The following TTN variants were observed in gnomAD, a reference collection of about 807,000 sequenced individuals.
TTN encodes titin.
In TTN, 1,525 loss-of-function variants were observed where a neutral mutation model predicts 3,223.0. The observed-to-expected ratio is 0.47, with a 90% CI of 0.45 to 0.49. TTN has a LOEUF of 0.49. Ranked by LOEUF, TTN falls within the 20% of genes least tolerant of loss-of-function variation. The pLI, the probability that TTN is intolerant of heterozygous loss-of-function variation, is 0.00. For synonymous variants in TTN, 14,094 were observed against 15,161.0 expected, an observed-to-expected ratio of 0.93 and a Z score of 5.17; for missense variants, 40,786 against 43,424.0, an observed-to-expected ratio of 0.94 and a Z score of 5.40.
intron 250 of TTN, 108 bp from the exon 251 acceptor site, chr2:178,618,961 A>C: frequency 7.0e-7 from 1 of 1,418,570 alleles, no homozygotes. Context: ...CCTTGGAAGT[A>C]AGCTACAGTA....
chr2:178,584,039 C>T (rs768516531), intron 311 of TTN, 133 bp from the exon 312 acceptor site: 3 of 1,135,976 alleles, frequency 2.6e-6, no homozygotes, highest in Non-Finnish European at 3.6e-6. Flanking sequence ...AATAACCGTC[C>T]AACTAGTATG....
chr2:178,570,734 G>A lies in TTN; in HGVS notation c.75398C>T (p.Ala25133Val), dbSNP rs772239178. The A allele has an allele frequency of 1.2e-6, 2 of 1,613,528 alleles. No individual in the cohort carries two copies. Among genetic ancestry groups the A allele is most frequent in the Non-Finnish European group, 1.7e-6 (2 of 1,179,608 alleles). The change falls in exon 326 of 363, where the codon GCA becomes GTA. Residue 25133 changes from alanine (A) to valine (V), a missense_variant. Coordinates refer to ENST00000589042, the MANE Select transcript of TTN (RefSeq NM_001267550.2). ...VHAGESFKVDADIYGKPIPTI... is the reference protein window; with the variant it reads ...VHAGESFKVDVDIYGKPIPTI... ...TGGTATTGGTTTGCCATAAATATCTGCATCAACCTTGAATGATTCACCAGC... is the reference window on the plus strand; with the variant it reads ...TGGTATTGGTTTGCCATAAATATCTACATCAACCTTGAATGATTCACCAGC...
At chr2:178,541,170 TTA>T (rs1694340590) in intron 350 of TTN, 110 bp downstream of exon 350, 1 of 1,087,062 alleles carries the variant, frequency 9.2e-7, no homozygotes, top group Non-Finnish European at 1.2e-6. Context: ...GTGGTGGTGA[TTA>T]CAAAACAGTA....
Position 178,784,330 on chromosome 2 carries a change from T to G in TTN, c.2515A>C (p.Ile839Leu). ...GYEASIAGSA[I>L]ATLQKELSAT... ...GACAACTCTTTTTGTAATGTGGCAATAGCACTACCGGCTATTGATGCCTAC... is the reference window on the plus strand; with the variant it reads ...GACAACTCTTTTTGTAATGTGGCAAGAGCACTACCGGCTATTGATGCCTAC... Residue 839 changes from isoleucine (I) to leucine (L), a missense_variant, in exon 16 of 363, where the codon ATT becomes CTT. Coordinates refer to ENST00000589042, the MANE Select transcript of TTN (RefSeq NM_001267550.2). 1 of 1,614,096 alleles carries G rather than the reference T, an allele frequency of 6.2e-7. No individual in the cohort carries two copies. Among genetic ancestry groups the G allele is most frequent in the Non-Finnish European group, 8.5e-7 (1 of 1,179,996 alleles).
chr2:178,536,105 A>G lies in TTN; in HGVS notation c.100642T>C (p.Phe33548Leu), dbSNP rs773561397. The G allele has an allele frequency of 3.7e-5, 59 of 1,612,466 alleles. 1 individual carries two copies. Among genetic ancestry groups the G allele is most frequent in the Middle Eastern group, 3.3e-4 (2 of 6,052 alleles). The change falls in exon 357 of 363, where the codon TTT becomes CTT. Residue 33548 changes from phenylalanine (F) to leucine (L), a missense_variant. Phe to Leu is a conservative substitution (Grantham distance 22). Coordinates refer to ENST00000589042, the MANE Select transcript of TTN (RefSeq NM_001267550.2). Reference protein sequence around the residue: ...ADGLKYRIQEFKGGYHQLIIA... With the variant: ...ADGLKYRIQELKGGYHQLIIA... ...ATGAGCTGGTGGTAGCCACCCTTAA[A>G]TTCTTGAATCCTATATTTTAATCCA...
At chr2:178,795,630 T>TG (rs931596863) in intron 6 of TTN, among the ~76,000 whole-genome samples, 22 of 152,192 alleles carry the variant, frequency 1.4e-4, no homozygotes, top group African/African-American at 3.4e-4. Context: ...ATTCCAATTC[T>TG]GGGGGGGTTA....
In TTN at chr2:178,542,792, T is replaced by G; in HGVS notation, c.97062A>C (p.Thr32354=). 6.2e-7 allele frequency: 1 copy of G among 1,613,802 alleles called. No individual in the cohort carries two copies. Among genetic ancestry groups the G allele is most frequent in the African/African-American group, 1.3e-5 (1 of 75,010 alleles). ...GSKLRESERV[T]VETHTKVAKL... ...TAGCTACTTTAGTGTGAGTTTCAAC[T>G]GTGACACGCTCTGATTCTCTCAGTT... Residue 32354 remains threonine (T), a synonymous_variant, in exon 348 of 363, where the codon ACA becomes ACC. Transcript: ENST00000589042.
chr2:178,752,528 C>A (rs1036006919), intron 47 of TTN, among the ~76,000 whole-genome samples: 1 of 151,838 alleles, frequency 6.6e-6, no homozygotes, highest in African/African-American at 2.4e-5. Flanking sequence ...GGCGTTTATT[C>A]GAACTAATAC....
chr2:178,604,314 T>C lies in TTN; in HGVS notation c.54382-9A>G, dbSNP rs773903814. On this transcript the variant is annotated splice_polypyrimidine_tract_variant and intron_variant, in intron 281 of 362. Coordinates refer to ENST00000589042, the MANE Select transcript of TTN (RefSeq NM_001267550.2). ...GGGATAAGTTTCCAGATCTAGAAAT[T>C]AGAAAAACAGAAATTTATTGAAGAG... 11 of 1,435,128 alleles carry C rather than the reference T, an allele frequency of 7.7e-6. No homozygotes were observed. The highest frequency in any genetic ancestry group is 1.0e-5 in the Non-Finnish European group (11 of 1,090,838). The allele number at this position is 1,435,128 out of a possible 1,614,324, so 88.9% of individuals were successfully genotyped here.
Position 178,531,199 on chromosome 2 carries a change from G to T in TTN, c.105416C>A (p.Thr35139Asn). 6.2e-7 allele frequency: 1 copy of T among 1,613,988 alleles called. No homozygotes were observed. The highest frequency in any genetic ancestry group is 8.5e-7 in the Non-Finnish European group (1 of 1,179,880). ...CCTTGCAGACTCGCCCTCGTAGACG[G>T]TCATGGACCGTGGCTTTGTTAGAAT... ...ARILTKPRSM[T>N]VYEGESARFS... The change falls in exon 358 of 363, where the codon ACC becomes AAC. Residue 35139 changes from threonine to asparagine, a missense_variant. Transcript: ENST00000589042.
In TTN at chr2:178,706,583, GT is replaced by G. The variant is rs1457839488; in HGVS notation, c.29290del (p.Thr9764LeufsTer42). 1.9e-6 allele frequency: 3 copies of G among 1,613,754 alleles called. No individual in the cohort carries two copies. The highest frequency in any genetic ancestry group is 2.5e-6 in the Non-Finnish European group (3 of 1,179,826). Reference protein sequence around the residue: ...AKLEIRDTTKTDSGLYRCVAF... With the variant: ...AKLEIRDTTKXDSGLYRCVAF... ...CACGCATCGGTATAACCCAGAATCA[GT>G]TTTTGTGGTGTCCCTAATCTCCAGT... On this transcript the variant is annotated frameshift_variant, in exon 102 of 363. Coordinates refer to ENST00000589042, the MANE Select transcript of TTN (RefSeq NM_001267550.2). LOFTEE classifies it high-confidence loss of function.
intron 240 of TTN, among the ~76,000 whole-genome samples, chr2:178,628,402 A>G (rs899852169): frequency 1.3e-5 from 2 of 152,058 alleles, no homozygotes; most frequent in South Asian, 4.1e-4. Flanking sequence ...TCACAGAACA[A>G]TGTACTGTCC....
rs1461692009 is a variant in TTN, at chr2:178,632,660, C to T, written c.43346G>A (p.Gly14449Asp). The T allele has an allele frequency of 1.2e-6, 2 of 1,613,430 alleles. No homozygotes were observed. Among genetic ancestry groups the T allele is most frequent in the East Asian group, 2.2e-5 (1 of 44,828 alleles). ...RWLKGTQEIT[G>D]DDRFELIKDG... ...CTTTATAAGCTCAAATCTGTCATCA[C>T]CTGTGATTTCCTGGGTTCCTTTTAG... The change falls in exon 235 of 363, where the codon GGT becomes GAT. Residue 14449 changes from glycine (G) to aspartate (D), a missense_variant. By Grantham distance (94) the Gly-to-Asp change is moderately conservative. Coordinates refer to ENST00000589042, the MANE Select transcript of TTN (RefSeq NM_001267550.2).
Position 178,770,068 on chromosome 2 carries a change from A to G in TTN, c.8633T>C (p.Phe2878Ser), listed in dbSNP as rs2091250535. Residue 2878 changes from phenylalanine to serine, a missense_variant, in exon 36 of 363, where the codon TTT (phenylalanine) becomes TCT (serine). By Grantham distance (155) the Phe-to-Ser change is radical. Coordinates refer to ENST00000589042, the MANE Select transcript of TTN (RefSeq NM_001267550.2). ...GGCTGCCTGATACTTACTCTCCACA[A>G]ACAGTTTTGCTTTGCATTCCAATTG... is the stretch of plus-strand genomic sequence containing the variant. ...VGQLECKAKL[F>S]VETLHITKTM... is the part of the protein sequence containing the mutation. The G allele has an allele frequency of 1.2e-6, 2 of 1,614,136 alleles. No individual in the cohort carries two copies. Among genetic ancestry groups the G allele is most frequent in the Non-Finnish European group, 8.5e-7 (1 of 1,180,000 alleles).
Position 178,624,517 on chromosome 2 carries a change from T to C in TTN, c.44763A>G (p.Thr14921=), listed in dbSNP as rs768583793. The C allele has an allele frequency of 1.2e-6, 2 of 1,612,764 alleles. No homozygotes were observed. The highest frequency in any genetic ancestry group is 4.5e-5 in the East Asian group (2 of 44,732). Residue 14921 remains threonine, a synonymous_variant, in exon 242 of 363, where the codon ACA becomes ACG. Transcript: ENST00000589042. Reference sequence around the variant, plus strand: ...TAAAATCCTTAGCATCACAAGTGTATGTTTTAATATCCTCTGGGGTACAGT... The same window carrying C: ...TAAAATCCTTAGCATCACAAGTGTACGTTTTAATATCCTCTGGGGTACAGT... The part of the protein sequence containing the change: ...IHDCTPEDIK[T]YTCDAKDFKT...
chr2:178,737,915 G>A, intron 49 of TTN, 167 bp downstream of exon 49: 1 of 676,370 alleles, frequency 1.5e-6, no homozygotes. Context: ...TGTAAATAAT[G>A]ATTTCTTATC....
chr2:178,672,050 A>C lies in TTN; in HGVS notation c.35148T>G (p.Val11716=). ...EQHRVEEEHR[V]EKVHRVIEVF... ...CTTCTATTACCCTATGAACTTTTTC[A>C]ACTCTGTGTTCTTCTTCAACTCTAT... is the stretch of plus-strand genomic sequence containing the variant. Residue 11716 remains valine, a synonymous_variant, in exon 155 of 363, where the codon GTT becomes GTG. Transcript: ENST00000589042. 1 of 1,610,812 alleles carries C rather than the reference A, an allele frequency of 6.2e-7. No individual in the cohort carries two copies. The highest frequency in any genetic ancestry group is 1.1e-5 in the South Asian group (1 of 90,136).
chr2:178,694,028 C>A lies in TTN; in HGVS notation c.31427-20G>T. 1.9e-6 allele frequency: 3 copies of A among 1,578,276 alleles called. No homozygotes were observed. Among genetic ancestry groups the A allele is most frequent in the Non-Finnish European group, 2.6e-6 (3 of 1,153,354 alleles). Reference sequence around the variant, plus strand: ...CTGGTACTTTAAAGAGAGTATTTCACATTAGTATTCCTTTTTTTTAGTACA... The same window carrying A: ...CTGGTACTTTAAAGAGAGTATTTCAAATTAGTATTCCTTTTTTTTAGTACA... On this transcript the variant is annotated intron_variant, in intron 117 of 362. Transcript: ENST00000589042.
At position 178,572,456 on chromosome 2, in the gene TTN, C is replaced by T. The variant is rs780238881; in HGVS notation, c.73676G>A (p.Arg24559Gln). The T allele has an allele frequency of 1.9e-5, 30 of 1,612,142 alleles. No homozygotes were observed. Among genetic ancestry groups the T allele is most frequent in the South Asian group, 1.6e-4 (15 of 91,012 alleles). Residue 24559 changes from arginine (R) to glutamine (Q), a missense_variant, in exon 326 of 363, where the codon CGG becomes CAG. By Grantham distance (43) the Arg-to-Gln change is conservative. Transcript: ENST00000589042. ...SKIKNYIVEKRESTRKAYSTV... is the reference protein window; with the variant it reads ...SKIKNYIVEKQESTRKAYSTV... Reference sequence around the variant, plus strand: ...TGAATATGCTTTTCTTGTTGATTCCCGCTTTTCAACAATATAGTTCTTGAT... The same window carrying T: ...TGAATATGCTTTTCTTGTTGATTCCTGCTTTTCAACAATATAGTTCTTGAT...
Sources: gnomAD v4.1 joint callset for allele counts (sites outside exome capture counted in the v4.1 genomes callset) on GRCh38, gnomAD v4.1.1 for gene constraint, MANE v1.5 for transcripts, NCBI Gene and HGNC (gene_info 2026-07-23, HGNC 2026-07-21) for gene names.